NRG1: variants seen among roughly 807,000 people sequenced by gnomAD.
NRG1 encodes the protein pro-neuregulin-1, membrane-bound isoform.
A neutral mutation model predicts 63.8 loss-of-function variants in NRG1; 18 were observed. That is an observed-to-expected ratio of 0.28 (90% CI 0.19 to 0.42). The LOEUF (loss-of-function observed/expected upper bound fraction) is 0.42. Ranked by LOEUF, NRG1 falls within the 10% of genes least tolerant of loss-of-function variation. NRG1 has a pLI of 1.00. For synonymous variants in NRG1, 302 were observed against 301.3 expected (o/e 1.00, Z -0.02); for missense variants, 762 against 814.7 (o/e 0.94, Z 0.79).
chr8:31,956,903 G>A (rs907443011), intron 1 of NRG1, among the ~76,000 whole-genome samples: 1 of 152,092 alleles, frequency 6.6e-6, no homozygotes, highest in Non-Finnish European at 1.5e-5. Flanking sequence ...GCTGCTCTGG[G>A]TAAAACTATT....
intron 1 of NRG1, among the ~76,000 whole-genome samples, chr8:32,415,423 C>CAA (rs5890648): frequency 8.0e-4 from 110 of 137,520 alleles, no homozygotes; most frequent in African/African-American, 2.8e-3. Context: ...AAAGAGTTTG[C>CAA]AAAAAAAAAA....
intron 1 of NRG1, among the ~76,000 whole-genome samples, chr8:32,411,702 C>A (rs937410982): frequency 6.6e-6 from 1 of 152,164 alleles, no homozygotes; most frequent in East Asian, 1.9e-4. Flanking sequence ...TTGATCCACA[C>A]ATAACCCTAT....
chr8:31,667,912 A>G (rs1563273157), intron 1 of NRG1, among the ~76,000 whole-genome samples: 1 of 152,202 alleles, frequency 6.6e-6, no homozygotes, highest in Non-Finnish European at 1.5e-5. Flanking sequence ...AGACAGACTG[A>G]AAAAGTGAGG....
chr8:32,307,589 TTGTGTGTG>T (rs371611530), intron 1 of NRG1, among the ~76,000 whole-genome samples: 12,476 of 93,428 alleles, frequency 0.13, 641 homozygotes, highest in Non-Finnish European at 0.16. Flanking sequence ...ACCCAGGGGT[TTGTGTGTG>T]TGTGTGTGTG....
At chr8:32,647,258 G>GCCA in intron 5 of NRG1, 1 of 985,304 alleles carries the variant, frequency 1.0e-6, no homozygotes, top group Non-Finnish European at 1.2e-6. Flanking sequence ...TGCCGCCGCC[G>GCCA]CCACCGCCGC....
At position 32,759,953 on chromosome 8, in the gene NRG1, C is replaced by T. The variant is rs576718408; in HGVS notation, c.1053-247C>T. Among the ~76,000 whole-genome samples the T allele has an allele frequency of 4.6e-5, 7 of 152,136 alleles. No individual in the cohort carries two copies. The East Asian group carries it at 9.7e-4, about 21-fold the overall frequency. On this transcript the variant is annotated intron_variant, in intron 10 of 11. Coordinates refer to ENST00000356819, the Ensembl canonical transcript of NRG1. ...TAATTATATACTGAGGAGTGGCATTCGAAAATATTTATTGAATGAGTGGAC... is the reference window on the plus strand; with the variant it reads ...TAATTATATACTGAGGAGTGGCATTTGAAAATATTTATTGAATGAGTGGAC...
At chr8:31,674,264 C>T (rs1807451096) in intron 1 of NRG1, among the ~76,000 whole-genome samples, 1 of 152,116 alleles carries the variant, frequency 6.6e-6, no homozygotes, top group Non-Finnish European at 1.5e-5. Flanking sequence ...TTTAATTCTA[C>T]TTGAGTAGTT....
At chr8:31,765,562 T>G (rs1339365386) in intron 1 of NRG1, among the ~76,000 whole-genome samples, 1 of 152,230 alleles carries the variant, frequency 6.6e-6, no homozygotes, top group East Asian at 1.9e-4. Flanking sequence ...TGGCAAATAC[T>G]TTTTCTATAT....
At chr8:32,327,757 A>G (rs1802180603) in intron 1 of NRG1, among the ~76,000 whole-genome samples, 1 of 152,228 alleles carries the variant, frequency 6.6e-6, no homozygotes, top group South Asian at 2.1e-4. Context: ...TATAACAATT[A>G]AAACATAGGA....
intron 5 of NRG1, among the ~76,000 whole-genome samples, chr8:32,696,323 T>C (rs953915718): frequency 6.6e-6 from 1 of 152,210 alleles, no homozygotes; most frequent in Admixed American, 6.5e-5. Context: ...ATATTACTGG[T>C]AGAAATCAAC....
At chr8:32,487,287 C>T (rs1464558279) in intron 1 of NRG1, among the ~76,000 whole-genome samples, 1 of 152,056 alleles carries the variant, frequency 6.6e-6, no homozygotes, top group East Asian at 1.9e-4. Context: ...CTCAAATGTG[C>T]CCATGACCCC....
chr8:31,721,763 T>C (rs1421339505), intron 1 of NRG1, among the ~76,000 whole-genome samples: 1 of 152,186 alleles, frequency 6.6e-6, no homozygotes, highest in African/African-American at 2.4e-5. Context: ...GTTCCATCTC[T>C]CTTGACCTTT....
chr8:32,593,049 A>T (rs539168129), intron 1 of NRG1, among the ~76,000 whole-genome samples: 1 of 152,192 alleles, frequency 6.6e-6, no homozygotes, highest in Non-Finnish European at 1.5e-5. Flanking sequence ...GTGAAAGTGG[A>T]TCATTATAAA....
chr8:31,747,657 C>A (rs1048617673), intron 1 of NRG1, among the ~76,000 whole-genome samples: 1 of 152,036 alleles, frequency 6.6e-6, no homozygotes, highest in African/African-American at 2.4e-5. Flanking sequence ...CCTGCCTCCA[C>A]TTTGTTTTGG....
intron 1 of NRG1, among the ~76,000 whole-genome samples, chr8:32,114,511 A>G (rs906669618): frequency 6.6e-6 from 1 of 152,174 alleles, no homozygotes; most frequent in Admixed American, 6.5e-5. Context: ...GAACTAAAAA[A>G]AAAATCGCAA....
At chr8:31,973,633 C>T (rs1807668628) in intron 1 of NRG1, among the ~76,000 whole-genome samples, 1 of 152,204 alleles carries the variant, frequency 6.6e-6, no homozygotes, top group Non-Finnish European at 1.5e-5. Context: ...TCATACTATT[C>T]AGAGTCCCAT....
chr8:31,912,007 G>T (rs1271609456), intron 1 of NRG1, among the ~76,000 whole-genome samples: 1 of 152,132 alleles, frequency 6.6e-6, no homozygotes, highest in Non-Finnish European at 1.5e-5. Flanking sequence ...TAACCATTCT[G>T]ACCCCTAATT....
chr8:32,591,751 A>G (rs1428557690), intron 1 of NRG1, among the ~76,000 whole-genome samples: 1 of 152,182 alleles, frequency 6.6e-6, no homozygotes, highest in African/African-American at 2.4e-5. Flanking sequence ...AGAGTTTAAA[A>G]ATACTTAATG....
chr8:32,658,002 T>G (rs1371506673), intron 5 of NRG1, among the ~76,000 whole-genome samples: 1 of 152,084 alleles, frequency 6.6e-6, no homozygotes, highest in East Asian at 1.9e-4. Flanking sequence ...ATATGTAAAA[T>G]AATTACTTCA....
Sources: gnomAD v4.1 joint callset for allele counts (sites outside exome capture counted in the v4.1 genomes callset) on GRCh38, gnomAD v4.1.1 for gene constraint, MANE v1.5 for transcripts, NCBI Gene and HGNC (gene_info 2026-07-23, HGNC 2026-07-21) for gene names.